Variants in DNM3 observed in about 807,000 individuals in gnomAD.
DNM3 encodes dynamin-3.
A neutral mutation model predicts 101.6 loss-of-function variants in DNM3; 47 were observed. That is an observed-to-expected ratio of 0.46 (90% CI 0.37 to 0.59). The LOEUF (loss-of-function observed/expected upper bound fraction) is 0.59. DNM3 is among the 20% of genes least tolerant of loss of function. The pLI is 0.00. For missense variants in DNM3, 849 were observed against 1,085.7 expected (o/e 0.78, Z 3.06); for synonymous variants, 385 against 387.9 (o/e 0.99, Z 0.09).
At chr1:172,145,838 A>C (rs2057864994) in intron 14 of DNM3, among the ~76,000 whole-genome samples, 1 of 152,192 alleles carries the variant, frequency 6.6e-6, no homozygotes, top group Non-Finnish European at 1.5e-5. Context: ...TCTCTGGTTA[A>C]CTAAATCTGT....
intron 20 of DNM3, among the ~76,000 whole-genome samples, chr1:172,392,857 C>G (rs1288523276): frequency 6.6e-6 from 1 of 152,084 alleles, no homozygotes; most frequent in Non-Finnish European, 1.5e-5. Context: ...AAAGACAAAA[C>G]TGAATCATTC....
chr1:172,142,724 T>C (rs1159052979), intron 14 of DNM3, among the ~76,000 whole-genome samples: 2 of 146,852 alleles, frequency 1.4e-5, no homozygotes, highest in African/African-American at 2.5e-5. Flanking sequence ...TGAAATGTAA[T>C]CATTTCTAGA....
intron 17 of DNM3, among the ~76,000 whole-genome samples, chr1:172,323,771 A>T (rs1483340898): frequency 6.6e-6 from 1 of 152,218 alleles, no homozygotes; most frequent in African/African-American, 2.4e-5. Flanking sequence ...CTTAAATAGC[A>T]GTATGGCTGG....
At chr1:171,945,007 G>T (rs1421458216) in intron 2 of DNM3, among the ~76,000 whole-genome samples, 1 of 151,222 alleles carries the variant, frequency 6.6e-6, no homozygotes, top group African/African-American at 2.4e-5. Context: ...GGAACCATGG[G>T]AACACATCAC....
chr1:172,177,350 ATC>A (rs928482157), intron 14 of DNM3, among the ~76,000 whole-genome samples: 14 of 151,754 alleles, frequency 9.2e-5, no homozygotes, highest in African/African-American at 3.4e-4. Context: ...ATTGTTATCA[ATC>A]TCTTACAGTG....
intron 17 of DNM3, among the ~76,000 whole-genome samples, chr1:172,338,597 G>A (rs2066549594): frequency 6.6e-6 from 1 of 152,130 alleles, no homozygotes; most frequent in East Asian, 1.9e-4. Flanking sequence ...GAAAACGACT[G>A]TTGGCAATCC....
intron 2 of DNM3, among the ~76,000 whole-genome samples, chr1:171,964,848 G>A (rs1439843634): frequency 6.6e-6 from 1 of 151,580 alleles, no homozygotes; most frequent in Non-Finnish European, 1.5e-5. Context: ...CTCTTCCCTG[G>A]GAACCTCCGT....
At chr1:172,323,159 G>A (rs1219974352) in intron 16 of DNM3, among the ~76,000 whole-genome samples, 170 bp from the exon 17 acceptor site, 2 of 152,102 alleles carry the variant, frequency 1.3e-5, no homozygotes, top group Non-Finnish European at 2.9e-5. Context: ...GTGTATGTAT[G>A]AGATGTCAGT....
intron 14 of DNM3, among the ~76,000 whole-genome samples, chr1:172,208,060 T>C (rs886159595): frequency 1.4e-4 from 22 of 152,150 alleles, no homozygotes; most frequent in African/African-American, 5.3e-4. Context: ...TCCAAAGAGT[T>C]TACTATTTTT....
At chr1:172,145,887 A>G (rs529869113) in intron 14 of DNM3, among the ~76,000 whole-genome samples, 69 of 152,254 alleles carry the variant, frequency 4.5e-4, no homozygotes, top group African/African-American at 1.4e-3. Context: ...AGGTTATAAG[A>G]TATCAGCCCA....
chr1:172,189,089 T>G (rs755057127), intron 14 of DNM3, among the ~76,000 whole-genome samples: 2 of 152,050 alleles, frequency 1.3e-5, no homozygotes, highest in Non-Finnish European at 2.9e-5. Context: ...AGACTTATAG[T>G]TCTTTCAGCA....
At chr1:172,045,238 T>A (rs144204291) in intron 9 of DNM3, among the ~76,000 whole-genome samples, 1 of 152,130 alleles carries the variant, frequency 6.6e-6, no homozygotes, top group Non-Finnish European at 1.5e-5. Flanking sequence ...TAAATTACCT[T>A]CCATCTTAGT....
At chr1:171,975,021 A>G (rs2044270564) in intron 2 of DNM3, among the ~76,000 whole-genome samples, 1 of 151,998 alleles carries the variant, frequency 6.6e-6, no homozygotes, top group African/African-American at 2.4e-5. Context: ...TAGCTAATGA[A>G]AAAAAGATTT....
At chr1:172,041,505 G>C (rs1055157014) in intron 7 of DNM3, among the ~76,000 whole-genome samples, 1 of 152,176 alleles carries the variant, frequency 6.6e-6, no homozygotes, top group Non-Finnish European at 1.5e-5. Flanking sequence ...GAGAGTTATA[G>C]GCTAAAGCGG....
At chr1:171,929,042 C>T (rs374472699) in intron 2 of DNM3, among the ~76,000 whole-genome samples, 8 of 151,234 alleles carry the variant, frequency 5.3e-5, no homozygotes, top group African/African-American at 1.5e-4. Context: ...CTGGTTGGGA[C>T]GTCCCTTCCA....
At chr1:171,990,851 AC>A (rs1297839399) in intron 4 of DNM3, among the ~76,000 whole-genome samples, 1 of 152,124 alleles carries the variant, frequency 6.6e-6, no homozygotes, top group Non-Finnish European at 1.5e-5. Flanking sequence ...GCTCCAGATG[AC>A]AAGTAAGGAC....
intron 14 of DNM3, among the ~76,000 whole-genome samples, chr1:172,145,263 T>C (rs2057818946): frequency 6.6e-6 from 1 of 151,974 alleles, no homozygotes; most frequent in Admixed American, 6.6e-5. Flanking sequence ...GGCACTTTAT[T>C]TTCTGGTATT....
intron 1 of DNM3, among the ~76,000 whole-genome samples, chr1:171,916,684 G>A (rs1207530911): frequency 6.6e-6 from 1 of 151,996 alleles, no homozygotes; most frequent in African/African-American, 2.4e-5. Context: ...CTTCTTCAAC[G>A]TTTTCTATAT....
In DNM3 at chr1:172,343,807, C is replaced by CT. The variant is rs1005120163; in HGVS notation, c.1893+20475dup. The stretch of plus-strand genomic sequence containing the variant: ...GAGAATAATCGTGTTCAGAATGGTC[C>CT]TTTTTTTTGCCAAAAGGTTTATTAT... On this transcript the variant is annotated intron_variant, in intron 17 of 20. Coordinates refer to ENST00000627582, the MANE Select transcript of DNM3 (RefSeq NM_015569.5). 8.2e-4 allele frequency among the ~76,000 whole-genome samples: 125 copies of CT among 151,854 alleles called. 1 individual carries two copies. Among genetic ancestry groups the CT allele is most frequent in the East Asian group, 7.7e-3 (40 of 5,192 alleles).
Sources: gnomAD v4.1 joint callset for allele counts (sites outside exome capture counted in the v4.1 genomes callset) on GRCh38, gnomAD v4.1.1 for gene constraint, MANE v1.5 for transcripts, NCBI Gene and HGNC (gene_info 2026-07-23, HGNC 2026-07-21) for gene names.